The following FAM149A variants were observed in gnomAD, a reference collection of about 807,000 sequenced individuals.
The protein encoded by FAM149A is protein FAM149A.
Under a neutral mutation model 78.2 loss-of-function variants are expected in FAM149A, and 71 were observed. That is an observed-to-expected ratio of 0.91 (90% CI 0.75 to 1.11). The LOEUF (loss-of-function observed/expected upper bound fraction) is 1.11. Ranked by LOEUF, FAM149A falls within the 50% of genes least tolerant of loss-of-function variation. FAM149A has a pLI of 0.00. For synonymous variants in FAM149A, 446 were observed against 410.5 expected, an observed-to-expected ratio of 1.09 and a Z score of -1.04; for missense variants, 1,036 against 971.0, an observed-to-expected ratio of 1.07 and a Z score of -0.89.
At chr4:186,136,976 T>TCTTTCTC (rs2099323291) in intron 1 of FAM149A, among the ~76,000 whole-genome samples, 1 of 72,094 alleles carries the variant, frequency 1.4e-5, no homozygotes, top group African/African-American at 6.2e-5. Context: ...CTCTCTCTCT[T>TCTTTCTC]TCTCTCTCTC....
Position 186,165,392 on chromosome 4 carries a change from G to A in FAM149A, c.1938G>A (p.Arg646=), listed in dbSNP as rs772602189. The change falls in exon 11 of 14, where the codon CGG becomes CGA. Residue 646 remains arginine (R), a synonymous_variant. Transcript: ENST00000389354. Reference sequence around the variant, plus strand: ...CTTCCCCACTGGTTCAAACGTCACGGAGCAGGTTCCCCCCGCTAGTCACGG... The same window carrying A: ...CTTCCCCACTGGTTCAAACGTCACGAAGCAGGTTCCCCCCGCTAGTCACGG... The A allele has an allele frequency of 6.2e-7, 1 of 1,614,162 alleles. No homozygotes were observed.
chr4:186,104,942 A>C lies in FAM149A; in HGVS notation c.-135A>C. On this transcript the variant is annotated 5_prime_UTR_variant, in exon 1 of 14. Coordinates refer to ENST00000389354, the MANE Select transcript of FAM149A (RefSeq NM_001367768.3). ...GCGGAGCTGAGCGTCCTCGGGGAGGAGAGGGAGCCAGGGGCCTCCGGGGCT... is the reference window on the plus strand; with the variant it reads ...GCGGAGCTGAGCGTCCTCGGGGAGGCGAGGGAGCCAGGGGCCTCCGGGGCT... 2.6e-6 allele frequency: 3 copies of C among 1,152,300 alleles called. No homozygotes were observed. Among genetic ancestry groups the C allele is most frequent in the Non-Finnish European group, 3.2e-6 (3 of 928,996 alleles). The allele number at this position is 1,152,300 out of a possible 1,614,324, so 71.4% of individuals were successfully genotyped here.
rs138934956 is a variant in FAM149A at position 186,157,449 on chromosome 4, C to A, written c.1421-116C>A. ...CCTCCGTGGTAACATGTGGAGTGGC[C>A]GTAGCATGGGCTCGTGGTAGCTCAA... On this transcript the variant is annotated intron_variant, in intron 7 of 13. Transcript: ENST00000389354. 4.8e-6 allele frequency: 5 copies of A among 1,041,294 alleles called. No individual in the cohort carries two copies. In the African/African-American group the frequency reaches 6.3e-5, roughly 13 times the overall value. 64.5% of individuals were successfully genotyped at this position (1,041,294 alleles called of 1,614,324 possible).
chr4:186,163,994 A>G (rs1380309865), intron 10 of FAM149A, among the ~76,000 whole-genome samples: 1 of 152,232 alleles, frequency 6.6e-6, no homozygotes, highest in Non-Finnish European at 1.5e-5. Context: ...ATAAAATGCT[A>G]TAAAAATAAA....
Position 186,104,972 on chromosome 4 carries a change from G to C in FAM149A, c.-105G>C, listed in dbSNP as rs1241323626. ...GAGCCAGGGGCCTCCGGGGCTCCGGGTGCGGGGACCTCAGGCTCCTCGCCC... is the reference window on the plus strand; with the variant it reads ...GAGCCAGGGGCCTCCGGGGCTCCGGCTGCGGGGACCTCAGGCTCCTCGCCC... On this transcript the variant is annotated 5_prime_UTR_variant, in exon 1 of 14. Transcript: ENST00000389354. 1.7e-6 allele frequency: 2 copies of C among 1,188,848 alleles called. No individual in the cohort carries two copies. The highest frequency in any genetic ancestry group is 3.4e-5 in the Admixed American group (1 of 29,128). 73.6% of individuals were successfully genotyped at this position (1,188,848 alleles called of 1,614,324 possible).
At chr4:186,159,264 A>G (rs1228452952) in intron 8 of FAM149A, among the ~76,000 whole-genome samples, 1 of 151,914 alleles carries the variant, frequency 6.6e-6, no homozygotes, top group Non-Finnish European at 1.5e-5. Context: ...AAACAAAAAC[A>G]AAAAAAACCT....
chr4:186,125,774 G>A (rs6849946), intron 1 of FAM149A: 489,996 of 984,794 alleles, frequency 0.5, 122,310 homozygotes, highest in East Asian at 0.63. Context: ...CAGAGAGGCC[G>A]TGGGCAAGCT....
chr4:186,130,311 ATAT>A (rs1561393090), intron 1 of FAM149A, among the ~76,000 whole-genome samples: 7 of 110,626 alleles, frequency 6.3e-5, no homozygotes, highest in Non-Finnish European at 7.6e-5. Flanking sequence ...ATATATATAT[ATAT>A]AATCTATATC....
intron 10 of FAM149A, 69 bp from the exon 11 acceptor site, chr4:186,165,275 G>A: frequency 6.4e-7 from 1 of 1,574,766 alleles, no homozygotes; most frequent in Non-Finnish European, 8.7e-7. Context: ...CACAGCTCTT[G>A]GCAGATTTCC....
chr4:186,154,675 T>C (rs368059725), intron 6 of FAM149A, 37 bp downstream of exon 6: 1,040 of 1,570,100 alleles, frequency 6.6e-4, no homozygotes, highest in Non-Finnish European at 8.2e-4. Flanking sequence ...CCTCATAAAA[T>C]AATATTAATT....
At chr4:186,154,443 T>C (rs1476851782) in intron 5 of FAM149A, 25 bp from the exon 6 acceptor site, 5 of 1,590,514 alleles carry the variant, frequency 3.1e-6, no homozygotes, top group South Asian at 2.3e-5. Context: ...TAAACTCCCA[T>C]GTAGAATCTG....
chr4:186,166,411 G>A (rs1455325806), intron 11 of FAM149A, among the ~76,000 whole-genome samples: 1 of 152,186 alleles, frequency 6.6e-6, no homozygotes, highest in Admixed American at 6.5e-5. Context: ...AGCACTTTGG[G>A]AGGCTGAGGT....
chr4:186,142,036 G>T (rs747416368), intron 1 of FAM149A, among the ~76,000 whole-genome samples: 3 of 152,158 alleles, frequency 2.0e-5, no homozygotes, highest in Non-Finnish European at 4.4e-5. Context: ...AGGCTGAGAG[G>T]CTACTTAGTT....
chr4:186,110,375 T>C, intron 1 of FAM149A: 3 of 936,866 alleles, frequency 3.2e-6, no homozygotes, highest in Non-Finnish European at 3.8e-6. Flanking sequence ...TGTACAATTG[T>C]CATATAAGCG....
At chr4:186,168,635 CA>C (rs1735261020) in intron 13 of FAM149A, among the ~76,000 whole-genome samples, 1 of 152,216 alleles carries the variant, frequency 6.6e-6, no homozygotes, top group African/African-American at 2.4e-5. Flanking sequence ...GGATTACAGG[CA>C]TGAGCCACTG....
intron 1 of FAM149A, among the ~76,000 whole-genome samples, chr4:186,136,964 T>C (rs6817868): frequency 0.027 from 2,572 of 96,528 alleles, 81 homozygotes; most frequent in Middle Eastern, 0.058. Flanking sequence ...CTCTCTCTCT[T>C]TCTCTCTCTC....
chr4:186,108,850 G>GTT (rs199914588), intron 1 of FAM149A, among the ~76,000 whole-genome samples: 81 of 140,570 alleles, frequency 5.8e-4, no homozygotes, highest in Admixed American at 1.2e-3. Flanking sequence ...TCAATCTCTG[G>GTT]TTTTTTTTTT....
At chr4:186,159,241 G>A (rs2126506917) in intron 8 of FAM149A, among the ~76,000 whole-genome samples, 1 of 151,456 alleles carries the variant, frequency 6.6e-6, no homozygotes, top group African/African-American at 2.4e-5. Context: ...TTCTGTGAGG[G>A]TCGCGCAAAA....
At chr4:186,120,848 CTTTTT>C (rs374357159) in intron 1 of FAM149A, among the ~76,000 whole-genome samples, 2 of 90,214 alleles carry the variant, frequency 2.2e-5, no homozygotes, top group East Asian at 4.0e-4. Context: ...AAATAATATT[CTTTTT>C]TTTTTTTTTT....
Sources: gnomAD v4.1 joint callset for allele counts (sites outside exome capture counted in the v4.1 genomes callset) on GRCh38, gnomAD v4.1.1 for gene constraint, MANE v1.5 for transcripts, NCBI Gene and HGNC (gene_info 2026-07-23, HGNC 2026-07-21) for gene names.